The following KNTC1 variants were observed in gnomAD, a reference collection of about 807,000 sequenced individuals.
KNTC1 encodes the protein kinetochore-associated protein 1.
KNTC1 carries 253 observed loss-of-function variants against 314.4 expected under a neutral mutation model. The ratio of observed to expected loss-of-function variants is 0.80; its 90% CI spans 0.73 to 0.89. The LOEUF is 0.89. Ranked by LOEUF, KNTC1 falls within the 40% of genes least tolerant of loss-of-function variation. The probability of loss-of-function intolerance (pLI) is 0.00; values close to 1 mark genes in which losing one functional copy is unlikely to be tolerated. For missense variants in KNTC1, 2,475 were observed against 2,572.9 expected (o/e 0.96, Z 0.82); for synonymous variants, 901 against 901.4 (o/e 1.00, Z 0.01).
Position 122,585,687 on chromosome 12 carries a change from T to G in KNTC1, c.3586T>G (p.Phe1196Val). 1 of 1,613,288 alleles carries G rather than the reference T, an allele frequency of 6.2e-7. No individual in the cohort carries two copies. The highest frequency in any genetic ancestry group is 8.5e-7 in the Non-Finnish European group (1 of 1,179,206). ...DPYEEWSYSD[F>V]FSEDGIVLES... ...ATATGAAGAGTGGTCTTACAGTGAC[T>G]TCTTCAGTGAAGATGGAATTGTTCT... Residue 1196 changes from phenylalanine (F) to valine (V), a missense_variant, in exon 37 of 64, where the codon TTC (phenylalanine) becomes GTC (valine). Coordinates refer to ENST00000333479, the MANE Select transcript of KNTC1 (RefSeq NM_014708.6).
chr12:122,550,868 TTCTC>T (rs2137774368), intron 13 of KNTC1, among the ~76,000 whole-genome samples: 1 of 152,336 alleles, frequency 6.6e-6, no homozygotes, highest in Non-Finnish European at 1.5e-5. Context: ...TGTAGACTGT[TTCTC>T]TATTTGGATT....
chr12:122,582,460 G>A (rs888228001), intron 33 of KNTC1, among the ~76,000 whole-genome samples: 12 of 151,966 alleles, frequency 7.9e-5, no homozygotes, highest in South Asian at 6.2e-4. Flanking sequence ...GAACTACCTT[G>A]CTGAGGTGGG....
chr12:122,618,355 A>G lies in KNTC1; in HGVS notation c.6043A>G (p.Ser2015Gly). Residue 2015 changes from serine to glycine, a missense_variant, in exon 58 of 64, where the codon AGC becomes GGC. Ser to Gly is a moderately conservative substitution (Grantham distance 56). Transcript: ENST00000333479. ...IHSLWQVPYF[S>G]KAWQRVIQIP... ...CTTGTTTTCACAGGTTCCCTACTTC[A>G]GCAAAGCGTGGCAGCGTGTGATACA... 6.2e-7 allele frequency: 1 copy of G among 1,613,750 alleles called. No individual in the cohort carries two copies. Among genetic ancestry groups the G allele is most frequent in the Non-Finnish European group, 8.5e-7 (1 of 1,179,756 alleles).
At chr12:122,599,903 A>C (rs1871606378) in intron 44 of KNTC1, among the ~76,000 whole-genome samples, 1 of 152,082 alleles carries the variant, frequency 6.6e-6, no homozygotes, top group Admixed American at 6.6e-5. Flanking sequence ...CTGCAGTCCC[A>C]GCTATTTGGG....
intron 20 of KNTC1, among the ~76,000 whole-genome samples, chr12:122,566,059 CA>C (rs1964314291): frequency 6.7e-6 from 1 of 149,780 alleles, no homozygotes; most frequent in Non-Finnish European, 1.5e-5. Flanking sequence ...TCTCCTGCCT[CA>C]ACCTCCTGAG....
chr12:122,544,268 G>C lies in KNTC1; in HGVS notation c.668G>C (p.Gly223Ala). Reference sequence around the variant, plus strand: ...GCAAGTGAAGTTCCTGTGATAATTGGGGTAATTGTTTTTATAAAGTTTTGT... The same window carrying C: ...GCAAGTGAAGTTCCTGTGATAATTGCGGTAATTGTTTTTATAAAGTTTTGT... ...DLASEVPVII[G>A]GTGNCAFSKW... Residue 223 changes from glycine (G) to alanine (A), a missense_variant and splice_region_variant, in exon 8 of 64, where the codon GGG becomes GCG. Gly to Ala is a moderately conservative substitution (Grantham distance 60, BLOSUM62 0). Transcript: ENST00000333479. The C allele has an allele frequency of 6.7e-7, 1 of 1,483,558 alleles. No homozygotes were observed. The allele number at this position is 1,483,558 out of a possible 1,614,324, so 91.9% of individuals were successfully genotyped here.
chr12:122,620,399 A>G (rs1874296274), intron 59 of KNTC1, 80 bp from the exon 60 acceptor site: 1 of 1,336,240 alleles, frequency 7.5e-7, no homozygotes, highest in African/African-American at 1.5e-5. Flanking sequence ...GGACAGGCAG[A>G]TGACTATGGA....
chr12:122,531,366 T>C (rs1050355268), intron 2 of KNTC1, among the ~76,000 whole-genome samples: 19 of 152,096 alleles, frequency 1.2e-4, no homozygotes, highest in Admixed American at 6.6e-5. Flanking sequence ...GCCACCATGC[T>C]ACTAAAAATT....
chr12:122,608,782 G>A (rs1872788148), intron 51 of KNTC1, among the ~76,000 whole-genome samples: 1 of 152,164 alleles, frequency 6.6e-6, no homozygotes, highest in Non-Finnish European at 1.5e-5. Context: ...ACGGGGCTGG[G>A]CAAGGTAGCT....
chr12:122,544,127 T>C, intron 7 of KNTC1, 32 bp from the exon 8 acceptor site: 4 of 877,814 alleles, frequency 4.6e-6, no homozygotes, highest in Non-Finnish European at 7.3e-6. Flanking sequence ...ATATGTATTA[T>C]ATATATGACG....
chr12:122,618,984 T>G (rs1406220755), intron 59 of KNTC1, among the ~76,000 whole-genome samples: 1 of 151,556 alleles, frequency 6.6e-6, no homozygotes, highest in Admixed American at 6.6e-5. Flanking sequence ...CCTCCCAAAT[T>G]GCTGGGATTA....
chr12:122,605,160 A>T, intron 50 of KNTC1, 73 bp downstream of exon 50: 1 of 1,312,532 alleles, frequency 7.6e-7, no homozygotes, highest in Non-Finnish European at 1.1e-6. Flanking sequence ...GTATATATGT[A>T]CGTGTACATA....
Position 122,588,735 on chromosome 12 carries a change from T to A in KNTC1, c.3918T>A (p.Val1306=). The change falls in exon 40 of 64, where the codon GTT becomes GTA. Residue 1306 remains valine (V), a synonymous_variant. Transcript: ENST00000333479. ...SEKLFGETTL[V]KSRHVVMELK... The stretch of plus-strand genomic sequence containing the variant: ...AGTTATTTGGAGAGACTACATTAGT[T>A]AAATCAAGGCATGTTGTTATGGAAT... 6.5e-7 allele frequency: 1 copy of A among 1,549,428 alleles called. No homozygotes were observed. Among genetic ancestry groups the A allele is most frequent in the Non-Finnish European group, 8.7e-7 (1 of 1,146,808 alleles).
In KNTC1 at chr12:122,553,682, A is replaced by G. The variant is rs75151037; in HGVS notation, c.1272+1986A>G. On this transcript the variant is annotated intron_variant, in intron 16 of 63. Transcript: ENST00000333479. Reference sequence around the variant, plus strand: ...TCCAGCAAATGCAGAGAGTGAAAAGACATCTGAGGATGTGATGTGGGGGCA... The same window carrying G: ...TCCAGCAAATGCAGAGAGTGAAAAGGCATCTGAGGATGTGATGTGGGGGCA... 7.6e-3 allele frequency among the ~76,000 whole-genome samples: 1,154 copies of G among 152,258 alleles called. 13 individuals carry two copies. The highest frequency in any genetic ancestry group is 0.027 in the African/African-American group (1,116 of 41,540).
At chr12:122,534,529 A>T in intron 2 of KNTC1, 135 bp from the exon 3 acceptor site, 1 of 745,766 alleles carries the variant, frequency 1.3e-6, no homozygotes, top group Non-Finnish European at 2.2e-6. Flanking sequence ...ATGATTAATT[A>T]GATAGAGGGG....
At chr12:122,613,858 G>C in intron 55 of KNTC1, 97 bp downstream of exon 55, 1 of 1,309,876 alleles carries the variant, frequency 7.6e-7, no homozygotes, top group Non-Finnish European at 1.0e-6. Flanking sequence ...TGTTGTTGTT[G>C]GGGACAGAGT....
In KNTC1 at chr12:122,597,735, T is replaced by C; in HGVS notation, c.4360T>C (p.Phe1454Leu). ...TSLILEYCSTFQLDCDAVLQL... is the reference protein window; with the variant it reads ...TSLILEYCSTLQLDCDAVLQL... ...TGTATTGAATGCTTCTTTTAGCACA[T>C]TTCAGTTGGACTGCGATGCAGTTCT... The change falls in exon 44 of 64, where the codon TTT becomes CTT. Residue 1454 changes from phenylalanine to leucine, a missense_variant. Coordinates refer to ENST00000333479, the MANE Select transcript of KNTC1 (RefSeq NM_014708.6). 1 of 1,613,660 alleles carries C rather than the reference T, an allele frequency of 6.2e-7. No individual in the cohort carries two copies. Among genetic ancestry groups the C allele is most frequent in the Non-Finnish European group, 8.5e-7 (1 of 1,179,660 alleles).
intron 13 of KNTC1, among the ~76,000 whole-genome samples, 170 bp from the exon 14 acceptor site, chr12:122,551,149 T>TC (rs916749427): frequency 3.0e-4 from 16 of 52,872 alleles, no homozygotes; most frequent in African/African-American, 2.5e-3. Context: ...TTTCCCAGTG[T>TC]TTTTTTTTTC....
chr12:122,547,725 TGTCA>T (rs1962895954), intron 11 of KNTC1, among the ~76,000 whole-genome samples, 186 bp from the exon 12 acceptor site: 1 of 152,264 alleles, frequency 6.6e-6, no homozygotes, highest in Non-Finnish European at 1.5e-5. Context: ...TGTTAGAAAC[TGTCA>T]GTCTGGGCAT....
Sources: allele counts gnomAD v4.1 joint callset (sites outside exome capture counted in the v4.1 genomes callset), GRCh38; gene constraint gnomAD v4.1.1; transcripts MANE v1.5; gene names NCBI Gene and HGNC (gene_info 2026-07-23, HGNC 2026-07-21).